Variants in OSBPL3 observed in about 807,000 individuals in gnomAD.
OSBPL3 encodes the protein oxysterol-binding protein-related protein 3.
A neutral mutation model predicts 120.1 loss-of-function variants in OSBPL3; 65 were observed. The observed-to-expected ratio is 0.54, with a 90% CI of 0.44 to 0.67. OSBPL3 has a LOEUF of 0.67. Among genes scored for constraint, OSBPL3 ranks in the 30% least tolerant of loss-of-function variants. OSBPL3 has a pLI of 0.00. For missense variants in OSBPL3, 1,004 were observed against 1,082.1 expected (o/e 0.93, Z 1.01); for synonymous variants, 416 against 402.6 (o/e 1.03, Z -0.40).
At position 24,867,416 on chromosome 7, in the gene OSBPL3, A is replaced by C. The variant is rs777552283; in HGVS notation, c.382-1179T>G. 6.6e-5 allele frequency among the ~76,000 whole-genome samples: 10 copies of C among 152,134 alleles called. No individual in the cohort carries two copies. Among genetic ancestry groups the C allele is most frequent in the Non-Finnish European group, 1.2e-4 (8 of 68,020 alleles). ...TGGCTGTGTCCCATGTCCCACCCAA[A>C]TCTCATCCTGAATTCCCACATTTTG... On this transcript the variant is annotated intron_variant, in intron 5 of 22. Coordinates refer to ENST00000313367, the MANE Select transcript of OSBPL3 (RefSeq NM_015550.4). The surrounding 1 kb of genome is among the most constrained non-coding windows in gnomAD (Gnocchi z 4.5).
intron 1 of OSBPL3, among the ~76,000 whole-genome samples, chr7:24,958,622 C>G (rs1815355997): frequency 6.6e-6 from 1 of 152,152 alleles, no homozygotes; most frequent in African/African-American, 2.4e-5. Context: ...TTTAACACTT[C>G]ATAACAGTAT....
Position 24,866,118 on chromosome 7 carries a change from G to A in OSBPL3, c.501C>T (p.Thr167=). The change falls in exon 6 of 23, where the codon ACC becomes ACT. Residue 167 remains threonine, a synonymous_variant. Coordinates refer to ENST00000313367, the MANE Select transcript of OSBPL3 (RefSeq NM_015550.4). ...ACACCCCAGATGAAGAGTCTGTGAT[G>A]GTGGACCCTGAGAAAAAGTGGTTAA... The part of the protein sequence containing the change: ...HEVNHFFSGS[T]ITDSSSGVFD... 1 of 1,613,528 alleles carries A rather than the reference G, an allele frequency of 6.2e-7. No individual in the cohort carries two copies. Among genetic ancestry groups the A allele is most frequent in the Non-Finnish European group, 8.5e-7 (1 of 1,179,482 alleles).
At chr7:24,875,662 G>A (rs1375174070) in intron 2 of OSBPL3, among the ~76,000 whole-genome samples, 1 of 151,984 alleles carries the variant, frequency 6.6e-6, no homozygotes, top group Non-Finnish European at 1.5e-5. Context: ...AGAGTGCTAT[G>A]AGCACACCAC....
In OSBPL3 at chr7:24,947,778, TCACACACACACACA is replaced by T. The variant is rs56135680; in HGVS notation, c.-150+32094_-150+32107del. Among the ~76,000 whole-genome samples, 30 of 148,122 alleles carry T rather than the reference TCACACACACACACA, an allele frequency of 2.0e-4. No homozygotes were observed. The highest frequency in any genetic ancestry group is 1.5e-3 in the Admixed American group (23 of 14,944). ...ATGTATACATACATATCCAATTAAA[TCACACACACACACA>T]CACACACACACACACACTCATTGCA... On this transcript the variant is annotated intron_variant, in intron 1 of 22. Transcript: ENST00000313367. This position sits in a 1 kb window ranked among gnomAD's most constrained non-coding sequence, Gnocchi z 4.4.
At position 24,946,022 on chromosome 7, in the gene OSBPL3, C is replaced by G. The variant is rs908791846; in HGVS notation, c.-150+33864G>C. 6.6e-6 allele frequency among the ~76,000 whole-genome samples: 1 copy of G among 152,162 alleles called. No individual in the cohort carries two copies. Among genetic ancestry groups the G allele is most frequent in the Non-Finnish European group, 1.5e-5 (1 of 68,036 alleles). On this transcript the variant is annotated intron_variant, in intron 1 of 22. Transcript: ENST00000313367. This position sits in a 1 kb window ranked among gnomAD's most constrained non-coding sequence, Gnocchi z 4.3. ...TCAGGGTCTCTCATTTGATGGCAAT[C>G]AGATGCCAGGTGGGGCTGGAGCTAG...
At position 24,806,806 on chromosome 7, in the gene OSBPL3, G is replaced by A; in HGVS notation, c.2414C>T (p.Pro805Leu). ...MDPSSKSLLP[P>L]TDTRFRPDQR... Reference sequence around the variant, plus strand: ...GTCTGGCCTAAATCGAGTGTCAGTAGGTGGCAATAAAGACTTTGATGATGG... The same window carrying A: ...GTCTGGCCTAAATCGAGTGTCAGTAAGTGGCAATAAAGACTTTGATGATGG... The change falls in exon 21 of 23, where the codon CCT (proline) becomes CTT (leucine). Residue 805 changes from proline to leucine, a missense_variant. Coordinates refer to ENST00000313367, the MANE Select transcript of OSBPL3 (RefSeq NM_015550.4). The surrounding 1 kb of genome is among the most constrained non-coding windows in gnomAD (Gnocchi z 5.2). The A allele has an allele frequency of 3.1e-6, 5 of 1,613,938 alleles. No homozygotes were observed. Among genetic ancestry groups the A allele is most frequent in the Non-Finnish European group, 1.7e-6 (2 of 1,179,840 alleles).
chr7:24,831,182 T>G lies in OSBPL3; in HGVS notation c.1747-277A>C, dbSNP rs1196218346. 6.6e-6 allele frequency among the ~76,000 whole-genome samples: 1 copy of G among 152,198 alleles called. No homozygotes were observed. The highest frequency in any genetic ancestry group is 2.4e-5 in the African/African-American group (1 of 41,456). ...AGACGATGACATTTCTAAACTGGAC[T>G]ACACTGTTTCTGGAAACTGTTAAGC... On this transcript the variant is annotated intron_variant, in intron 15 of 22. Transcript: ENST00000313367. This position sits in a 1 kb window ranked among gnomAD's most constrained non-coding sequence, Gnocchi z 4.0.
chr7:24,890,271 C>G (rs1394580925), intron 2 of OSBPL3, among the ~76,000 whole-genome samples: 1 of 152,156 alleles, frequency 6.6e-6, no homozygotes, highest in African/African-American at 2.4e-5. Flanking sequence ...AATTAAATTT[C>G]TTACTATGTA....
chr7:24,977,833 G>A (rs1817759829), intron 1 of OSBPL3, among the ~76,000 whole-genome samples: 1 of 152,224 alleles, frequency 6.6e-6, no homozygotes, highest in African/African-American at 2.4e-5. Context: ...TCCAGCCTGG[G>A]CGACAGCGTG....
chr7:24,892,324 C>A (rs1805471991), intron 2 of OSBPL3, 53 bp downstream of exon 2: 2 of 1,586,678 alleles, frequency 1.3e-6, no homozygotes, highest in East Asian at 4.5e-5. Flanking sequence ...TTTTAACCAG[C>A]AAACTTGATG....
intron 5 of OSBPL3, among the ~76,000 whole-genome samples, 180 bp from the exon 6 acceptor site, chr7:24,866,417 C>T (rs1451086402): frequency 6.6e-6 from 1 of 152,102 alleles, no homozygotes; most frequent in Non-Finnish European, 1.5e-5. Flanking sequence ...GAGGGAGGAC[C>T]ACTTGAGCCC....
intron 4 of OSBPL3, 41 bp from the exon 5 acceptor site, chr7:24,870,886 T>A (rs1802014501): frequency 8.0e-6 from 10 of 1,249,156 alleles, no homozygotes; most frequent in Non-Finnish European, 1.2e-5. Context: ...ACCATGGTGT[T>A]AGAAGCAGTA....
Position 24,940,992 on chromosome 7 carries a change from TG to T in OSBPL3, c.-150+38893del, listed in dbSNP as rs1424905754. On this transcript the variant is annotated intron_variant, in intron 1 of 22. Transcript: ENST00000313367. This position sits in a 1 kb window ranked among gnomAD's most constrained non-coding sequence, Gnocchi z 4.4. Reference sequence around the variant, plus strand: ...CTGCCACTGCGTCCAGCTAATTTTTTGTATTTTTAGTAGAGACGGGGTTTCA... The same window carrying T: ...CTGCCACTGCGTCCAGCTAATTTTTTTATTTTTAGTAGAGACGGGGTTTCA... 6.6e-6 allele frequency among the ~76,000 whole-genome samples: 1 copy of T among 152,088 alleles called. No homozygotes were observed. The highest frequency in any genetic ancestry group is 2.4e-5 in the African/African-American group (1 of 41,398).
chr7:24,942,320 T>C (rs889294357), intron 1 of OSBPL3, among the ~76,000 whole-genome samples: 5 of 152,216 alleles, frequency 3.3e-5, no homozygotes, highest in African/African-American at 1.2e-4. Context: ...TAGTTCTAAA[T>C]ACAGCTAAGG....
chr7:24,981,590 G>C (rs1007105647), upstream of OSBPL3: 1 of 152,330 alleles, frequency 6.6e-6, no homozygotes, highest in East Asian at 1.9e-4. The surrounding 1 kb of genome is among the most constrained non-coding windows in gnomAD (Gnocchi z 7.3). Flanking sequence ...CATTCACCAC[G>C]CTCAGATCTT....
chr7:24,895,962 C>T (rs144), intron 1 of OSBPL3, among the ~76,000 whole-genome samples: 40,379 of 152,032 alleles, frequency 0.27, 5,515 homozygotes, highest in East Asian at 0.38. Flanking sequence ...AGAACATTTA[C>T]GGCCTGCCAA....
chr7:24,839,105 A>G (rs1797372862), intron 14 of OSBPL3, among the ~76,000 whole-genome samples: 1 of 152,224 alleles, frequency 6.6e-6, no homozygotes, highest in Admixed American at 6.5e-5. Flanking sequence ...CCGTTCACAC[A>G]TACACACTGA....
In OSBPL3 at chr7:24,820,283, T is replaced by C. The variant is rs1794964786; in HGVS notation, c.1885-45A>G. On this transcript the variant is annotated intron_variant, in intron 16 of 22. Coordinates refer to ENST00000313367, the MANE Select transcript of OSBPL3 (RefSeq NM_015550.4). The surrounding 1 kb of genome is among the most constrained non-coding windows in gnomAD (Gnocchi z 4.6). ...GAAAAACAAAAAATGAATGAACTTTTGTGTCTCATGAAATCCATTCTTTCT... is the reference window on the plus strand; with the variant it reads ...GAAAAACAAAAAATGAATGAACTTTCGTGTCTCATGAAATCCATTCTTTCT... The C allele has an allele frequency of 7.1e-7, 1 of 1,416,232 alleles. No individual in the cohort carries two copies. The highest frequency in any genetic ancestry group is 9.9e-7 in the Non-Finnish European group (1 of 1,007,074). The allele number at this position is 1,416,232 out of a possible 1,614,324, so 87.7% of individuals were successfully genotyped here.
rs1483043542 is a variant in OSBPL3 at position 24,831,492 on chromosome 7, C to T, written c.1747-587G>A. Among the ~76,000 whole-genome samples the T allele has an allele frequency of 6.7e-6, 1 of 148,196 alleles. No individual in the cohort carries two copies. The highest frequency in any genetic ancestry group is 1.5e-5 in the Non-Finnish European group (1 of 65,672). On this transcript the variant is annotated intron_variant, in intron 15 of 22. Transcript: ENST00000313367. This position sits in a 1 kb window ranked among gnomAD's most constrained non-coding sequence, Gnocchi z 4.0. ...TTTTTTGGGAGGAAAAGTGAAACAT[C>T]CAAAAAAAAAATTAAAATAAAGAGA... is the stretch of plus-strand genomic sequence containing the variant.
Sources: gnomAD v4.1 joint callset for allele counts (sites outside exome capture counted in the v4.1 genomes callset) on GRCh38, gnomAD v4.1.1 for gene constraint, Gnocchi (gnomAD v3.1) non-coding constraint, MANE v1.5 for transcripts, NCBI Gene and HGNC (gene_info 2026-07-23, HGNC 2026-07-21) for gene names.